THSD4: variants seen among roughly 807,000 people sequenced by gnomAD.
THSD4 encodes thrombospondin type 1 domain containing 4, also known as thrombospondin type-1 domain-containing protein 4.
Under a neutral mutation model 119.0 loss-of-function variants are expected in THSD4, and 69 were observed. That is an observed-to-expected ratio of 0.58 (90% CI 0.48 to 0.71). THSD4 has a LOEUF of 0.71. Ranked by LOEUF, THSD4 falls within the 30% of genes least tolerant of loss-of-function variation. The pLI, the probability that THSD4 is intolerant of heterozygous loss-of-function variation, is 0.00. For synonymous variants in THSD4, 524 were observed against 540.4 expected (o/e 0.97, Z 0.42); for missense variants, 1,393 against 1,391.1 (o/e 1.00, Z -0.02).
chr15:71,463,481 A>G (rs1027666260), intron 7 of THSD4, among the ~76,000 whole-genome samples: 4 of 152,156 alleles, frequency 2.6e-5, no homozygotes, highest in Admixed American at 6.5e-5. Context: ...AATTTCCTGA[A>G]AGACTTTGCT....
intron 7 of THSD4, among the ~76,000 whole-genome samples, chr15:71,610,831 A>G (rs1380269003): frequency 6.6e-6 from 1 of 152,216 alleles, no homozygotes; most frequent in Non-Finnish European, 1.5e-5. Flanking sequence ...AGCAGAGAGC[A>G]GTAGGGGCAG....
intron 7 of THSD4, among the ~76,000 whole-genome samples, chr15:71,646,214 G>A (rs993839239): frequency 2.0e-5 from 3 of 152,150 alleles, no homozygotes; most frequent in African/African-American, 4.8e-5. Flanking sequence ...ACAAATACCA[G>A]TTTCTTTTCT....
In THSD4 at chr15:71,780,711, A is replaced by C. The variant is rs1180361904; in HGVS notation, c.*3337A>C. On this transcript the variant is annotated 3_prime_UTR_variant, in exon 18 of 18. Coordinates refer to ENST00000261862, the MANE Select transcript of THSD4 (RefSeq NM_024817.3). ...GACAAGAATTCTCCGCACTGTGCCT[A>C]CCTGTCCCTTTACCTTACCTCTCTG... is the stretch of plus-strand genomic sequence containing the variant. 5 of 456,418 alleles carry C rather than the reference A, an allele frequency of 1.1e-5. No homozygotes were observed. The highest frequency in any genetic ancestry group is 2.2e-5 in the Non-Finnish European group (5 of 226,954). 28.3% of individuals were successfully genotyped at this position (456,418 alleles called of 1,614,324 possible). A position where few individuals can be genotyped will look rare whatever the true frequency, so the allele number is the denominator to read the frequency against.
chr15:71,511,206 G>C (rs1038056190), intron 7 of THSD4, among the ~76,000 whole-genome samples: 1 of 152,104 alleles, frequency 6.6e-6, no homozygotes. Flanking sequence ...TTTGTGGCCT[G>C]TGTGTGGAAC....
At chr15:71,695,461 A>T (rs2052143777) in intron 8 of THSD4, among the ~76,000 whole-genome samples, 2 of 150,032 alleles carry the variant, frequency 1.3e-5, no homozygotes, top group African/African-American at 4.9e-5. Context: ...ATTTTTTGTT[A>T]ATAATGTGTG....
intron 3 of THSD4, among the ~76,000 whole-genome samples, chr15:71,199,717 G>GCA (rs1596264856): frequency 4.2e-4 from 44 of 104,252 alleles, no homozygotes; most frequent in African/African-American, 7.6e-4. Context: ...GGTGTGTGGT[G>GCA]TGTGTGTGTA....
intron 3 of THSD4, among the ~76,000 whole-genome samples, chr15:71,206,755 A>T (rs1437712636): frequency 6.6e-6 from 1 of 152,180 alleles, no homozygotes; most frequent in African/African-American, 2.4e-5. Context: ...CTGTGACAAG[A>T]CTATCACCAA....
At chr15:71,460,330 A>C (rs2047412147) in intron 7 of THSD4, among the ~76,000 whole-genome samples, 1 of 127,660 alleles carries the variant, frequency 7.8e-6, no homozygotes, top group Non-Finnish European at 1.9e-5. Flanking sequence ...TTTTTTTTGA[A>C]AGCATGCCAT....
At chr15:71,199,838 GTGTGC>G (rs2043777057) in intron 3 of THSD4, among the ~76,000 whole-genome samples, 1 of 147,226 alleles carries the variant, frequency 6.8e-6, no homozygotes, top group African/African-American at 2.6e-5. Context: ...GTGTGTGTGT[GTGTGC>G]TGTGTGTGAT....
intron 7 of THSD4, among the ~76,000 whole-genome samples, chr15:71,650,630 A>G (rs1210095028): frequency 1.3e-5 from 2 of 152,198 alleles, no homozygotes; most frequent in African/African-American, 2.4e-5. Flanking sequence ...AGAAGCAGGA[A>G]GAGAGCCAGC....
chr15:71,200,084 G>T (rs975416062), intron 3 of THSD4, among the ~76,000 whole-genome samples: 2 of 152,080 alleles, frequency 1.3e-5, no homozygotes, highest in African/African-American at 4.8e-5. Context: ...GGGAGTATCA[G>T]AGTGCTAGGG....
intron 8 of THSD4, among the ~76,000 whole-genome samples, chr15:71,676,864 TG>T (rs1426925107): frequency 3.3e-5 from 5 of 152,260 alleles, no homozygotes; most frequent in Non-Finnish European, 7.3e-5. Context: ...GATGGGCACC[TG>T]GGCTGTTTCT....
chr15:71,233,383 G>A (rs74590914), intron 4 of THSD4, among the ~76,000 whole-genome samples: 2,334 of 152,266 alleles, frequency 0.015, 58 homozygotes, highest in African/African-American at 0.054. Context: ...CTGCCCAGGG[G>A]AAATCATTGC....
intron 15 of THSD4, among the ~76,000 whole-genome samples, chr15:71,760,361 AAGGAGTTTC>A (rs1382399429): frequency 6.6e-6 from 1 of 152,224 alleles, no homozygotes; most frequent in Non-Finnish European, 1.5e-5. Context: ...GGCAGAGACC[AAGGAGTTTC>A]TGGCTTTAGA....
chr15:71,404,747 A>C (rs542859921), intron 6 of THSD4, among the ~76,000 whole-genome samples: 1 of 152,340 alleles, frequency 6.6e-6, no homozygotes, highest in South Asian at 2.1e-4. Flanking sequence ...GGTGCCATGA[A>C]GCAGGCAGAG....
intron 3 of THSD4, among the ~76,000 whole-genome samples, chr15:71,199,766 G>GTGTA (rs2043771460): frequency 9.0e-6 from 1 of 111,434 alleles, no homozygotes; most frequent in African/African-American, 4.1e-5. Context: ...TGATGTGTGT[G>GTGTA]GTGTGTGTGG....
chr15:71,220,686 G>A (rs1284388186), intron 4 of THSD4, among the ~76,000 whole-genome samples: 1 of 152,158 alleles, frequency 6.6e-6, no homozygotes, highest in African/African-American at 2.4e-5. Flanking sequence ...GTGTTAGAGA[G>A]AGTACCAGTT....
At chr15:71,121,805 C>T (rs983263952) in intron 1 of THSD4, among the ~76,000 whole-genome samples, 33 of 152,090 alleles carry the variant, frequency 2.2e-4, no homozygotes, top group African/African-American at 6.7e-4. Context: ...CCGTGGAGGC[C>T]GTCTGGCCTG....
intron 8 of THSD4, among the ~76,000 whole-genome samples, chr15:71,708,987 G>A (rs1199319598): frequency 3.3e-5 from 5 of 152,202 alleles, no homozygotes; most frequent in Non-Finnish European, 4.4e-5. Context: ...GTGAGGTCCC[G>A]TCCCTGGACT....
Sources: allele counts gnomAD v4.1 joint callset (sites outside exome capture counted in the v4.1 genomes callset), GRCh38; gene constraint gnomAD v4.1.1; transcripts MANE v1.5; gene names NCBI Gene and HGNC (gene_info 2026-07-23, HGNC 2026-07-21).